The following COL8A1 variants were observed in gnomAD, a reference collection of about 807,000 sequenced individuals.
The protein encoded by COL8A1 is collagen type VIII alpha 1 chain.
A neutral mutation model predicts 42.7 loss-of-function variants in COL8A1; 21 were observed. The observed-to-expected ratio is 0.49, with a 90% CI of 0.35 to 0.71. The LOEUF is 0.71. Ranked by LOEUF, COL8A1 falls within the 30% of genes least tolerant of loss-of-function variation. COL8A1 has a pLI of 0.01. For missense variants in COL8A1, 788 were observed against 962.4 expected (o/e 0.82, Z 2.40); for synonymous variants, 367 against 369.1 (o/e 0.99, Z 0.06).
At chr3:99,654,542 C>A (rs757641394) in intron 1 of COL8A1, among the ~76,000 whole-genome samples, 9 of 152,114 alleles carry the variant, frequency 5.9e-5, no homozygotes, top group Non-Finnish European at 1.2e-4. Flanking sequence ...AATCCCAGCA[C>A]TTTGGGAGAT....
At chr3:99,696,272 C>T (rs913725318) in intron 1 of COL8A1, among the ~76,000 whole-genome samples, 4 of 152,136 alleles carry the variant, frequency 2.6e-5, no homozygotes, top group Admixed American at 1.3e-4. Flanking sequence ...GTGAAGATAT[C>T]AAAAGTTTCA....
At chr3:99,669,966 TTCTTGAACTACAAAA>T (rs1451808791) in intron 1 of COL8A1, among the ~76,000 whole-genome samples, 1 of 152,052 alleles carries the variant, frequency 6.6e-6, no homozygotes, top group Admixed American at 6.6e-5. Context: ...TTCTAGAGCC[TTCTTGAACTACAAAA>T]TTCTGTATAA....
intron 2 of COL8A1, among the ~76,000 whole-genome samples, chr3:99,752,486 T>A (rs1475855721): frequency 2.6e-5 from 4 of 152,066 alleles, no homozygotes; most frequent in Non-Finnish European, 5.9e-5. Flanking sequence ...TATATTCTGA[T>A]CCCTCTCCCC....
intron 1 of COL8A1, among the ~76,000 whole-genome samples, chr3:99,641,332 T>C (rs756178258): frequency 6.6e-6 from 1 of 152,136 alleles, no homozygotes; most frequent in Non-Finnish European, 1.5e-5. Context: ...TATTTGTTTG[T>C]TGTTTTTTAA....
At chr3:99,709,954 G>C (rs1341401846) in intron 1 of COL8A1, among the ~76,000 whole-genome samples, 1 of 152,084 alleles carries the variant, frequency 6.6e-6, no homozygotes, top group African/African-American at 2.4e-5. Flanking sequence ...TAGCTATCAG[G>C]CTATTTATTT....
intron 2 of COL8A1, among the ~76,000 whole-genome samples, chr3:99,752,219 T>G (rs1417817749): frequency 1.3e-5 from 2 of 152,152 alleles, no homozygotes; most frequent in Non-Finnish European, 2.9e-5. Flanking sequence ...TAGCACAGTG[T>G]GGACATGTTC....
Position 99,795,118 on chromosome 3 carries a change from C to T in COL8A1, c.1217C>T (p.Ala406Val). 6.2e-7 allele frequency: 1 copy of T among 1,613,586 alleles called. No homozygotes were observed. The highest frequency in any genetic ancestry group is 8.5e-7 in the Non-Finnish European group (1 of 1,179,768). Reference protein sequence around the residue: ...GIPGPMGPPGAIGFPGPKGEG... With the variant: ...GIPGPMGPPGVIGFPGPKGEG... The stretch of plus-strand genomic sequence containing the variant: ...CCAGGTCCTATGGGCCCTCCAGGTG[C>T]TATTGGTTTTCCTGGACCCAAAGGA... Residue 406 changes from alanine to valine, a missense_variant, in exon 4 of 4, where the codon GCT becomes GTT. By Grantham distance (64) the Ala-to-Val change is moderately conservative. Transcript: ENST00000652472.
intron 2 of COL8A1, among the ~76,000 whole-genome samples, chr3:99,790,404 G>A (rs2107455959): frequency 6.6e-6 from 1 of 152,310 alleles, no homozygotes; most frequent in Middle Eastern, 3.4e-3. Flanking sequence ...GGAAAACAGG[G>A]CAAGAAAGGC....
At chr3:99,654,877 T>C (rs888295411) in intron 1 of COL8A1, among the ~76,000 whole-genome samples, 6 of 152,072 alleles carry the variant, frequency 3.9e-5, no homozygotes, top group Non-Finnish European at 8.8e-5. Context: ...AGAAGGACCA[T>C]AAGAGGTTTT....
intron 1 of COL8A1, among the ~76,000 whole-genome samples, chr3:99,674,351 A>C (rs1426730401): frequency 6.6e-6 from 1 of 151,816 alleles, no homozygotes; most frequent in African/African-American, 2.4e-5. Flanking sequence ...GTCAACTAGG[A>C]GGTAAAGGTT....
At chr3:99,780,373 T>C (rs73860470) in intron 2 of COL8A1, among the ~76,000 whole-genome samples, 20,667 of 152,202 alleles carry the variant, frequency 0.14, 2,097 homozygotes, top group African/African-American at 0.28. Flanking sequence ...TCACAAACTC[T>C]AGTCAGCCAG....
At chr3:99,724,610 C>A (rs187448023) in intron 1 of COL8A1, among the ~76,000 whole-genome samples, 13 of 152,230 alleles carry the variant, frequency 8.5e-5, no homozygotes, top group Middle Eastern at 3.4e-3. Flanking sequence ...TCCCACACAA[C>A]CCCTTCCAAC....
At chr3:99,649,024 G>GC (rs1463263347) in intron 1 of COL8A1, among the ~76,000 whole-genome samples, 2 of 151,918 alleles carry the variant, frequency 1.3e-5, no homozygotes, top group African/African-American at 4.8e-5. Context: ...CTCACATTCT[G>GC]TTATGCTTTT....
At chr3:99,745,519 C>T (rs1444379064) in intron 2 of COL8A1, among the ~76,000 whole-genome samples, 1 of 151,944 alleles carries the variant, frequency 6.6e-6, no homozygotes, top group African/African-American at 2.4e-5. Flanking sequence ...GTTTTTATAC[C>T]ATTATCATAT....
chr3:99,702,970 T>C (rs1159554866), intron 1 of COL8A1, among the ~76,000 whole-genome samples: 4 of 152,078 alleles, frequency 2.6e-5, no homozygotes, highest in Non-Finnish European at 4.4e-5. Flanking sequence ...TGCAAATATT[T>C]TGAATGGGGG....
chr3:99,681,252 C>T (rs1938871329), intron 1 of COL8A1, among the ~76,000 whole-genome samples: 1 of 152,056 alleles, frequency 6.6e-6, no homozygotes, highest in African/African-American at 2.4e-5. Context: ...TGACAAAGGG[C>T]TAATATCCAG....
intron 1 of COL8A1, among the ~76,000 whole-genome samples, chr3:99,735,311 T>G (rs1287333949): frequency 1.8e-4 from 17 of 94,460 alleles, no homozygotes; most frequent in African/African-American, 6.4e-4. Context: ...TCTTATTATT[T>G]TGAAATACGT....
intron 1 of COL8A1, among the ~76,000 whole-genome samples, chr3:99,740,003 C>G (rs1940852767): frequency 1.3e-5 from 2 of 152,196 alleles, no homozygotes; most frequent in South Asian, 2.1e-4. Flanking sequence ...AATCATCTCT[C>G]TTAAGTTCAA....
At chr3:99,750,762 C>A (rs1253926046) in intron 2 of COL8A1, among the ~76,000 whole-genome samples, 1 of 152,144 alleles carries the variant, frequency 6.6e-6, no homozygotes, top group Non-Finnish European at 1.5e-5. Flanking sequence ...CTTGAGAAAG[C>A]ATTTCACCTG....
Sources: gnomAD v4.1 joint callset for allele counts (sites outside exome capture counted in the v4.1 genomes callset) on GRCh38, gnomAD v4.1.1 for gene constraint, MANE v1.5 for transcripts, NCBI Gene and HGNC (gene_info 2026-07-23, HGNC 2026-07-21) for gene names.